The following STRIP1 variants were observed in gnomAD, a reference collection of about 807,000 sequenced individuals.
STRIP1 encodes striatin interacting protein 1.
A neutral mutation model predicts 106.2 loss-of-function variants in STRIP1; 63 were observed. The ratio of observed to expected loss-of-function variants is 0.59; its 90% CI spans 0.48 to 0.73. STRIP1 has a LOEUF of 0.73. Ranked by LOEUF, STRIP1 falls within the 30% of genes least tolerant of loss-of-function variation. STRIP1 has a pLI of 0.00. For missense variants in STRIP1, 857 were observed against 1,074.8 expected (o/e 0.80, Z 2.83); for synonymous variants, 390 against 413.0 (o/e 0.94, Z 0.67).
At chr1:110,032,305 ATTAAT>A (rs1652233229), upstream of STRIP1, among the ~76,000 whole-genome samples, 1 of 152,136 alleles carries the variant, frequency 6.6e-6, no homozygotes, top group Non-Finnish European at 1.5e-5. Flanking sequence ...GTGGTTTTGG[ATTAAT>A]TTATTAATTT....
intron 13 of STRIP1, among the ~76,000 whole-genome samples, chr1:110,047,081 G>A (rs1653063901): frequency 6.6e-6 from 1 of 151,942 alleles, no homozygotes; most frequent in South Asian, 2.1e-4. Flanking sequence ...TTCAGCCCCC[G>A]GGATCCCCAG....
At chr1:110,046,804 C>A in intron 13 of STRIP1, 53 bp downstream of exon 13, 2 of 1,410,732 alleles carry the variant, frequency 1.4e-6, no homozygotes, top group Non-Finnish European at 2.0e-6. Flanking sequence ...GTAATCCCAG[C>A]ACTTTGGGAG....
At chr1:110,051,108 AAGAGTGCTGGG>A in intron 19 of STRIP1, 48 bp downstream of exon 19, 1 of 1,296,398 alleles carries the variant, frequency 7.7e-7, no homozygotes, top group South Asian at 1.2e-5. Context: ...GAGCTCAAAG[AAGAGTGCTGGG>A]AGCAGGGAGT....
rs1356775245 is a variant in STRIP1, at chr1:110,047,617, G to C, written c.1563+1G>C. The C allele has an allele frequency of 1.2e-5, 20 of 1,607,780 alleles. No individual in the cohort carries two copies. Among genetic ancestry groups the C allele is most frequent in the Non-Finnish European group, 1.6e-5 (19 of 1,176,898 alleles). On this transcript the variant is annotated splice_donor_variant, in intron 14 of 20. Coordinates refer to ENST00000369795, the MANE Select transcript of STRIP1 (RefSeq NM_033088.4). LOFTEE classifies it high-confidence loss of function. ...GCTCCCCAGCCTGCCTCAGTATATG[G>C]TGAGTGGTGCCTGCAGTGGGACACT...
Position 110,044,820 on chromosome 1 carries a change from C to CT in STRIP1, c.1287-14dup, listed in dbSNP as rs1652939770. On this transcript the variant is annotated intron_variant, in intron 10 of 20. Coordinates refer to ENST00000369795, the MANE Select transcript of STRIP1 (RefSeq NM_033088.4). ...TGCTAAAAACCTTTTTTCTTTCTCT[C>CT]TTTTTTGGTGATGTGGCAGAGAGAA... 2 of 1,611,492 alleles carry CT rather than the reference C, an allele frequency of 1.2e-6. No homozygotes were observed. The highest frequency in any genetic ancestry group is 1.7e-5 in the Admixed American group (1 of 59,642).
chr1:110,038,811 C>T, intron 3 of STRIP1, 54 bp downstream of exon 3: 1 of 1,539,478 alleles, frequency 6.5e-7, no homozygotes, highest in Non-Finnish European at 9.0e-7. Context: ...ACGAGAGCTG[C>T]AGGTTTCTTT....
At chr1:110,031,792 C>G (rs1182241762), upstream of STRIP1, among the ~76,000 whole-genome samples, 1 of 152,166 alleles carries the variant, frequency 6.6e-6, no homozygotes, top group Non-Finnish European at 1.5e-5. Flanking sequence ...TGCTTCTGCT[C>G]CTTCACATTT....
chr1:110,043,867 G>C lies in STRIP1; in HGVS notation c.1286+11G>C. On this transcript the variant is annotated intron_variant, in intron 10 of 20. Transcript: ENST00000369795. ...GGCTCCCAAGGTCAGGTGAGTCTCA[G>C]ACCTCCAGAGCACTCATAGTTCCTG... 6.2e-7 allele frequency: 1 copy of C among 1,611,246 alleles called. No homozygotes were observed. The highest frequency in any genetic ancestry group is 8.5e-7 in the Non-Finnish European group (1 of 1,178,060).
chr1:110,036,385 G>A (rs1307588489), intron 1 of STRIP1, among the ~76,000 whole-genome samples: 1 of 152,132 alleles, frequency 6.6e-6, no homozygotes, highest in Non-Finnish European at 1.5e-5. Context: ...CCTGGGAGGT[G>A]GAGATTTGCA....
In STRIP1 at chr1:110,038,110, A is replaced by G. The variant is rs910101587; in HGVS notation, c.250+150A>G. 146 of 162,912 alleles carry G rather than the reference A, an allele frequency of 9.0e-4. No homozygotes were observed. The highest frequency in any genetic ancestry group is 2.9e-3 in the African/African-American group (108 of 37,226). The allele number at this position is 162,912 out of a possible 1,614,324, so 10.1% of individuals were successfully genotyped here. ...TATATATATATATATATATATATATATATGTATAAAACATGTTATTTGATT... is the reference window on the plus strand; with the variant it reads ...TATATATATATATATATATATATATGTATGTATAAAACATGTTATTTGATT... On this transcript the variant is annotated intron_variant, in intron 2 of 20. Transcript: ENST00000369795.
At chr1:110,038,875 C>T in intron 3 of STRIP1, 118 bp downstream of exon 3, 1 of 955,078 alleles carries the variant, frequency 1.0e-6, no homozygotes, top group Non-Finnish European at 1.6e-6. Flanking sequence ...GCCTGCTGAA[C>T]CCTGATGGTT....
intron 19 of STRIP1, 73 bp downstream of exon 19, chr1:110,051,133 C>G: frequency 7.1e-6 from 7 of 979,916 alleles, no homozygotes; most frequent in Non-Finnish European, 5.0e-6. Context: ...AGGGAGTCCC[C>G]AGGGTGGGGC....
intron 20 of STRIP1, among the ~76,000 whole-genome samples, chr1:110,052,581 C>A (rs926841004): frequency 6.6e-6 from 1 of 152,010 alleles, no homozygotes; most frequent in African/African-American, 2.4e-5. Context: ...GCGATTCTCC[C>A]CCCTCAGCCT....
At chr1:110,042,045 C>G (rs558162673) in intron 8 of STRIP1, among the ~76,000 whole-genome samples, 184 bp downstream of exon 8, 1 of 152,300 alleles carries the variant, frequency 6.6e-6, no homozygotes, top group South Asian at 2.1e-4. Flanking sequence ...TTGCAGCCAA[C>G]GAGGACATAG....
rs1009058794 is a variant in STRIP1, at chr1:110,040,815, A to G, written c.650+112A>G. 8 of 833,028 alleles carry G rather than the reference A, an allele frequency of 9.6e-6. No individual in the cohort carries two copies. The African/African-American group carries it at 1.4e-4, about 14-fold the overall frequency. The allele number at this position is 833,028 out of a possible 1,614,324, so 51.6% of individuals were successfully genotyped here. Reference sequence around the variant, plus strand: ...TGCTGTGTGTGCTTCTGTACACATCATCTGCATGTGTGATGGGCTCAGTGT... The same window carrying G: ...TGCTGTGTGTGCTTCTGTACACATCGTCTGCATGTGTGATGGGCTCAGTGT... On this transcript the variant is annotated intron_variant, in intron 6 of 20. Coordinates refer to ENST00000369795, the MANE Select transcript of STRIP1 (RefSeq NM_033088.4).
intron 10 of STRIP1, 144 bp from the exon 11 acceptor site, chr1:110,044,696 C>A: frequency 3.9e-6 from 3 of 770,956 alleles, no homozygotes; most frequent in South Asian, 2.0e-5. Context: ...CAGTTTTTTC[C>A]CTTTTTTCAA....
upstream of STRIP1, among the ~76,000 whole-genome samples, chr1:110,034,151 T>C (rs986226743): frequency 3.2e-4 from 49 of 152,250 alleles, no homozygotes; most frequent in African/African-American, 1.2e-3. Flanking sequence ...AGCACTGTTA[T>C]GTACCGTGAC....
chr1:110,033,581 G>A (rs528095163), upstream of STRIP1, among the ~76,000 whole-genome samples: 2 of 152,292 alleles, frequency 1.3e-5, no homozygotes, highest in East Asian at 3.8e-4. Context: ...CGGTGAGAAA[G>A]CAAGAGCATG....
chr1:110,044,337 G>C (rs1652918055), intron 10 of STRIP1, among the ~76,000 whole-genome samples: 1 of 152,210 alleles, frequency 6.6e-6, no homozygotes, highest in Non-Finnish European at 1.5e-5. Flanking sequence ...TTAAGAAATA[G>C]ATGAACATGT....
Sources: gnomAD v4.1 joint callset for allele counts (sites outside exome capture counted in the v4.1 genomes callset) on GRCh38, gnomAD v4.1.1 for gene constraint, MANE v1.5 for transcripts, NCBI Gene and HGNC (gene_info 2026-07-23, HGNC 2026-07-21) for gene names.